The following SCYL2 variants were observed in gnomAD, a reference collection of about 807,000 sequenced individuals.
The protein encoded by SCYL2 is SCY1 like pseudokinase 2, also known as SCY1-like protein 2.
Under a neutral mutation model 100.4 loss-of-function variants are expected in SCYL2, and 36 were observed. The observed-to-expected ratio is 0.36, with a 90% CI of 0.27 to 0.47. The LOEUF (loss-of-function observed/expected upper bound fraction) is 0.47. Among genes scored for constraint, SCYL2 ranks in the 20% least tolerant of loss-of-function variants. The pLI is 1.00. For missense variants in SCYL2, 902 were observed against 1,083.9 expected (o/e 0.83, Z 2.36); for synonymous variants, 330 against 359.2 (o/e 0.92, Z 0.92).
rs780770090 is a variant in SCYL2, at chr12:100,329,260, G to A, written c.1702G>A (p.Gly568Arg). 35 of 1,609,430 alleles carry A rather than the reference G, an allele frequency of 2.2e-5. No homozygotes were observed. The highest frequency in any genetic ancestry group is 1.7e-4 in the Middle Eastern group (1 of 6,042). ...KLGITKEQLA[G>R]KVLPHLIPLS... ...GGGAATCACCAAAGAGCAGCTGGCC[G>A]GAAAAGTGTTGCCTCATCTTATTCC... Residue 568 changes from glycine to arginine, a missense_variant, in exon 13 of 18, where the codon GGA becomes AGA. Gly to Arg is a moderately radical substitution (Grantham distance 125). Transcript: ENST00000360820.
chr12:100,337,620 A>G (rs1566374802), intron 17 of SCYL2, 114 bp downstream of exon 17: 1 of 1,024,526 alleles, frequency 9.8e-7, no homozygotes, highest in Non-Finnish European at 1.5e-6. Context: ...TAATACCTTA[A>G]TATGTGGTTT....
chr12:100,340,223 C>G lies in SCYL2; in HGVS notation c.*1051C>G, dbSNP rs1952335912. ...CTCATTAATTACTGCTACTGAAGTT[C>G]AATTTTTTTCTAGGAATTTTAGGAA... is the stretch of plus-strand genomic sequence containing the variant. On this transcript the variant is annotated 3_prime_UTR_variant, in exon 18 of 18. Coordinates refer to ENST00000360820, the MANE Select transcript of SCYL2 (RefSeq NM_017988.6). 6.6e-6 allele frequency: 1 copy of G among 152,420 alleles called. No individual in the cohort carries two copies. Among genetic ancestry groups the G allele is most frequent in the Non-Finnish European group, 1.5e-5 (1 of 67,944 alleles). 9.4% of individuals were successfully genotyped at this position (152,420 alleles called of 1,614,324 possible). A position where few individuals can be genotyped will look rare whatever the true frequency, so the allele number is the denominator to read the frequency against.
intron 1 of SCYL2, among the ~76,000 whole-genome samples, chr12:100,276,844 C>T (rs1259368457): frequency 6.6e-6 from 1 of 151,918 alleles, no homozygotes; most frequent in Non-Finnish European, 1.5e-5. Flanking sequence ...GAAGCTTAGA[C>T]CATTATTTTG....
In SCYL2 at chr12:100,291,511, A is replaced by G. The variant is rs1437170557; in HGVS notation, c.186A>G (p.Ala62=). 6.5e-7 allele frequency: 1 copy of G among 1,541,152 alleles called. No individual in the cohort carries two copies. ...ACAATTCTTTTATTTAGGAAGTGGC[A>G]GTTTTTGTCTTTGATAAAAAACTGA... is the stretch of plus-strand genomic sequence containing the variant. ...GTKKSTKQEV[A]VFVFDKKLID... The change falls in exon 3 of 18, where the codon GCA becomes GCG. Residue 62 remains alanine (A), a synonymous_variant. Transcript: ENST00000360820.
At chr12:100,335,491 A>G in intron 14 of SCYL2, 134 bp from the exon 15 acceptor site, 1 of 623,634 alleles carries the variant, frequency 1.6e-6, no homozygotes, top group Non-Finnish European at 2.8e-6. Context: ...GTAGAAAATA[A>G]TGGAAAAGAT....
At chr12:100,294,458 C>G (rs1461812461) in intron 3 of SCYL2, among the ~76,000 whole-genome samples, 1 of 81,804 alleles carries the variant, frequency 1.2e-5, no homozygotes, top group Non-Finnish European at 2.4e-5. Flanking sequence ...TAGGGGCGGC[C>G]GGGCAGAGGC....
chr12:100,326,009 AT>A (rs1473777180), intron 11 of SCYL2, among the ~76,000 whole-genome samples: 1 of 152,114 alleles, frequency 6.6e-6, no homozygotes, highest in Non-Finnish European at 1.5e-5. Flanking sequence ...TATTAATACT[AT>A]AGTCCTGACT....
chr12:100,309,317 TC>T (rs1479820453), intron 4 of SCYL2, among the ~76,000 whole-genome samples: 1 of 152,130 alleles, frequency 6.6e-6, no homozygotes, highest in Admixed American at 6.5e-5. Flanking sequence ...ACCATACATC[TC>T]CACAATTGTT....
At chr12:100,293,674 A>G (rs1436873145) in intron 3 of SCYL2, among the ~76,000 whole-genome samples, 14 of 152,168 alleles carry the variant, frequency 9.2e-5, no homozygotes, top group African/African-American at 2.9e-4. Context: ...AGGACCCTGC[A>G]GCCTTCCGCA....
At chr12:100,273,909 T>C (rs780472833) in intron 1 of SCYL2, among the ~76,000 whole-genome samples, 1 of 152,208 alleles carries the variant, frequency 6.6e-6, no homozygotes, top group Non-Finnish European at 1.5e-5. Context: ...ATTTAATATA[T>C]AGCTTGTCAG....
Position 100,267,266 on chromosome 12 carries a change from C to CGGCGGA in SCYL2, c.-552_-547dup. On this transcript the variant is annotated 5_prime_UTR_variant, in exon 1 of 18. Coordinates refer to ENST00000360820, the MANE Select transcript of SCYL2 (RefSeq NM_017988.6). ...GCTCCGACGTTTGCGGCCGCGGGGG[C>CGGCGGA]GGCGGAGGATATGGAGTAAAGCCAG... 1.7e-6 allele frequency: 1 copy of CGGCGGA among 601,708 alleles called. No homozygotes were observed. 37.3% of individuals were successfully genotyped at this position (601,708 alleles called of 1,614,324 possible).
chr12:100,320,472 C>T (rs1223634182), intron 10 of SCYL2, among the ~76,000 whole-genome samples: 1 of 151,884 alleles, frequency 6.6e-6, no homozygotes, highest in Admixed American at 6.6e-5. Context: ...GGCTTGAACC[C>T]GGGAGGCGGA....
chr12:100,270,880 T>G (rs1460145017), intron 1 of SCYL2, among the ~76,000 whole-genome samples: 1 of 152,064 alleles, frequency 6.6e-6, no homozygotes, highest in African/African-American at 2.4e-5. Flanking sequence ...TTTAGCATGG[T>G]GCTTTTCATC....
At chr12:100,325,215 A>G (rs968403183) in intron 11 of SCYL2, among the ~76,000 whole-genome samples, 7 of 152,174 alleles carry the variant, frequency 4.6e-5, no homozygotes, top group African/African-American at 1.7e-4. Context: ...CGCCCAAAAA[A>G]AATCCAAAAC....
chr12:100,313,613 A>T (rs2096344891), intron 7 of SCYL2, 75 bp downstream of exon 7: 2 of 780,748 alleles, frequency 2.6e-6, no homozygotes, highest in Non-Finnish European at 4.3e-6. Context: ...TTTGGGTTTT[A>T]AAAAAATATT....
rs527723959 is a variant in SCYL2, at chr12:100,313,991, A to C, written c.969+453A>C. 2.0e-5 allele frequency among the ~76,000 whole-genome samples: 3 copies of C among 150,816 alleles called. No individual in the cohort carries two copies. In the East Asian group the frequency reaches 5.9e-4, roughly 30 times the overall value. Reference sequence around the variant, plus strand: ...CACCTCCCAGGTTCAAGCAATTCTCATGCCTCAGCCTCCCAAGTAATTGGG... The same window carrying C: ...CACCTCCCAGGTTCAAGCAATTCTCCTGCCTCAGCCTCCCAAGTAATTGGG... On this transcript the variant is annotated intron_variant, in intron 7 of 17. Transcript: ENST00000360820.
chr12:100,308,148 A>G (rs777050263), intron 4 of SCYL2, among the ~76,000 whole-genome samples: 6 of 152,166 alleles, frequency 3.9e-5, no homozygotes, highest in Non-Finnish European at 7.4e-5. Flanking sequence ...GTATATATCC[A>G]AAGGATTATA....
chr12:100,283,457 T>C (rs1053746760), intron 2 of SCYL2, among the ~76,000 whole-genome samples: 1 of 152,172 alleles, frequency 6.6e-6, no homozygotes, highest in Non-Finnish European at 1.5e-5. Flanking sequence ...AAGCATATGT[T>C]TTAGGATAGA....
rs568690984 is a variant in SCYL2 at position 100,322,612 on chromosome 12, C to G, written c.1396-913C>G. 3.3e-5 allele frequency among the ~76,000 whole-genome samples: 5 copies of G among 151,880 alleles called. No individual in the cohort carries two copies. The East Asian group carries it at 9.7e-4, about 29-fold the overall frequency. On this transcript the variant is annotated intron_variant, in intron 10 of 17. Coordinates refer to ENST00000360820, the MANE Select transcript of SCYL2 (RefSeq NM_017988.6). ...TCTTTACAAAAAATTGAAAAATTAG[C>G]TGGGCATGGGCCAAGGTAGGTGGAT...
Sources: gnomAD v4.1 joint callset for allele counts (sites outside exome capture counted in the v4.1 genomes callset) on GRCh38, gnomAD v4.1.1 for gene constraint, MANE v1.5 for transcripts, NCBI Gene and HGNC (gene_info 2026-07-23, HGNC 2026-07-21) for gene names.